The following MYO18B variants were observed in gnomAD, a reference collection of about 807,000 sequenced individuals.
MYO18B encodes the protein unconventional myosin-XVIIIb.
MYO18B carries 204 observed loss-of-function variants against 273.0 expected under a neutral mutation model. The ratio of observed to expected loss-of-function variants is 0.75; its 90% confidence interval spans 0.67 to 0.84. The LOEUF (loss-of-function observed/expected upper bound fraction) is 0.84, where lower values mean the gene tolerates loss of function less well. MYO18B is among the 40% of genes least tolerant of loss of function. MYO18B has a pLI of 0.00. For synonymous variants in MYO18B, 1,330 were observed against 1,305.7 expected, an observed-to-expected ratio of 1.02 and a Z score of -0.40; for missense variants, 3,212 against 3,287.6, an observed-to-expected ratio of 0.98 and a Z score of 0.56.
chr22:25,947,093 G>A (rs1360598488), intron 35 of MYO18B, among the ~76,000 whole-genome samples: 1 of 152,064 alleles, frequency 6.6e-6, no homozygotes, highest in Non-Finnish European at 1.5e-5. Context: ...CCCTTATGTT[G>A]TTGGAACTTG....
rs572692015 is a variant in MYO18B, at chr22:26,008,627, C to T, written c.6470+3772C>T. On this transcript the variant is annotated intron_variant, in intron 42 of 43. Coordinates refer to ENST00000335473, the MANE Select transcript of MYO18B (RefSeq NM_032608.7). ...TGCTGCTGCCGCTGATAAGTGCAAG[C>T]GCTTCTGGAGACGAAGACACTAAAT... is the stretch of plus-strand genomic sequence containing the variant. Among the ~76,000 whole-genome samples, 12 of 152,288 alleles carry T rather than the reference C, an allele frequency of 7.9e-5. No homozygotes were observed. In the South Asian group the frequency reaches 2.3e-3, roughly 29 times the overall value.
chr22:25,757,929 C>T (rs1321954079), intron 1 of MYO18B, among the ~76,000 whole-genome samples: 1 of 152,200 alleles, frequency 6.6e-6, no homozygotes, highest in Admixed American at 6.5e-5. Context: ...TCCCAAACAA[C>T]TCTCACACAC....
chr22:25,822,860 AG>A (rs1166044834), intron 12 of MYO18B, among the ~76,000 whole-genome samples: 2 of 152,220 alleles, frequency 1.3e-5, no homozygotes, highest in Non-Finnish European at 2.9e-5. Context: ...CAGAATAGAA[AG>A]TTTTGCAATG....
chr22:25,923,544 C>CA (rs1304133916), intron 34 of MYO18B, among the ~76,000 whole-genome samples: 3 of 152,210 alleles, frequency 2.0e-5, no homozygotes, highest in East Asian at 3.9e-4. Context: ...AGGTAAGTGG[C>CA]AGAGTCGGGG....
chr22:25,763,322 G>A lies in MYO18B; in HGVS notation c.131G>A (p.Gly44Glu), dbSNP rs133885. 0.49 allele frequency: 793,772 copies of A among 1,612,264 alleles called. 206,410 individuals are homozygous for A. The highest frequency in any genetic ancestry group is 0.85 in the African/African-American group (63,722 of 74,886). The change falls in exon 3 of 44, where the codon GGG becomes GAG. Residue 44 changes from glycine to glutamate, a missense_variant. Transcript: ENST00000335473. ...PGGFIKQLVR[G>E]TEKEAKEARQ... is the part of the protein sequence containing the mutation. Reference sequence around the variant, plus strand: ...GGCTTCATTAAGCAACTGGTCCGGGGGACTGAAAAAGAGGCCAAGGAAGCG... The same window carrying A: ...GGCTTCATTAAGCAACTGGTCCGGGAGACTGAAAAAGAGGCCAAGGAAGCG...
At chr22:25,794,310 A>G (rs1298186269) in intron 11 of MYO18B, among the ~76,000 whole-genome samples, 1 of 150,750 alleles carries the variant, frequency 6.6e-6, no homozygotes, top group African/African-American at 2.4e-5. Context: ...AGGCTCAAGC[A>G]ATCGTCCCGC....
At chr22:26,016,596 C>A (rs1601839147) in intron 42 of MYO18B, among the ~76,000 whole-genome samples, 1 of 152,188 alleles carries the variant, frequency 6.6e-6, no homozygotes, top group Non-Finnish European at 1.5e-5. Flanking sequence ...GTGAGGCAGC[C>A]CTTTGCACAT....
At chr22:26,051,774 T>C in the MYO18B span, among the ~76,000 whole-genome samples, 9,104 of 152,276 alleles carry the variant, frequency 0.06, 382 homozygotes, top group Middle Eastern at 0.14. Context: ...AAATGCACAA[T>C]TTTTTAAAGG....
At chr22:25,904,335 G>A (rs2091996934) in intron 31 of MYO18B, among the ~76,000 whole-genome samples, 1 of 152,172 alleles carries the variant, frequency 6.6e-6, no homozygotes, top group African/African-American at 2.4e-5. Context: ...AGTACTGTCT[G>A]TATACTAACC....
At chr22:25,841,928 C>T (rs2090093951) in intron 17 of MYO18B, among the ~76,000 whole-genome samples, 1 of 152,202 alleles carries the variant, frequency 6.6e-6, no homozygotes, top group Non-Finnish European at 1.5e-5. Flanking sequence ...CCTGTGGGTG[C>T]TTTACTCTCC....
At chr22:25,864,497 A>C (rs1013665431) in intron 21 of MYO18B, among the ~76,000 whole-genome samples, 1 of 152,146 alleles carries the variant, frequency 6.6e-6, no homozygotes, top group African/African-American at 2.4e-5. Flanking sequence ...TAGAAAGCAA[A>C]CTGAAGACCA....
chr22:26,001,655 C>T (rs1335764367), intron 40 of MYO18B, among the ~76,000 whole-genome samples: 1 of 152,206 alleles, frequency 6.6e-6, no homozygotes, highest in Non-Finnish European at 1.5e-5. Context: ...TGATGTTGTC[C>T]ATACAGATCA....
At chr22:25,899,849 C>A (rs564710835) in intron 29 of MYO18B, 1 of 94,080 alleles carries the variant, frequency 1.1e-5, no homozygotes, top group African/African-American at 4.2e-5. Flanking sequence ...AACAGGTCAT[C>A]TGATCTGGAA....
At chr22:25,869,911 A>G (rs927174126) in intron 22 of MYO18B, among the ~76,000 whole-genome samples, 3 of 152,214 alleles carry the variant, frequency 2.0e-5, no homozygotes, top group Non-Finnish European at 2.9e-5. Context: ...CAGCATCCCA[A>G]GTCTTTGAAG....
intron 33 of MYO18B, among the ~76,000 whole-genome samples, chr22:25,913,850 T>C (rs1376809068): frequency 6.6e-6 from 1 of 152,242 alleles, no homozygotes; most frequent in African/African-American, 2.4e-5. Flanking sequence ...TAATAAAAAA[T>C]ATTTTTAATA....
At chr22:25,929,548 C>G (rs973263631) in intron 34 of MYO18B, among the ~76,000 whole-genome samples, 1 of 152,222 alleles carries the variant, frequency 6.6e-6, no homozygotes, top group Non-Finnish European at 1.5e-5. Context: ...GTTGCTTTTT[C>G]TCTCCCCCTA....
Position 25,874,327 on chromosome 22 carries a change from G to T in MYO18B, c.3993G>T (p.Gln1331His), listed in dbSNP as rs2091132525. 2 of 1,613,852 alleles carry T rather than the reference G, an allele frequency of 1.2e-6. No homozygotes were observed. The highest frequency in any genetic ancestry group is 1.1e-5 in the South Asian group (1 of 91,082). The change falls in exon 23 of 44, where the codon CAG becomes CAT. Residue 1331 changes from glutamine to histidine, a missense_variant. Coordinates refer to ENST00000335473, the MANE Select transcript of MYO18B (RefSeq NM_032608.7). ...GTGTGATCTCCAGGCTTGAGAAGCA[G>T]CGAGAGAAGCTGGTATCTCAGAGCA... ...KAGVISRLEKQREKLVSQSIV... is the reference protein window; with the variant it reads ...KAGVISRLEKHREKLVSQSIV...
At chr22:25,976,266 T>A (rs906531516) in intron 39 of MYO18B, among the ~76,000 whole-genome samples, 8 of 152,202 alleles carry the variant, frequency 5.3e-5, no homozygotes, top group African/African-American at 1.7e-4. Flanking sequence ...AAGACACTGC[T>A]CAGTGTCTTT....
rs1238098232 is a variant in MYO18B, at chr22:25,963,165, C to CTCT, written c.6156+7802_6156+7804dup. Among the ~76,000 whole-genome samples the CTCT allele has an allele frequency of 4.1e-5, 6 of 147,014 alleles. No homozygotes were observed. The East Asian group carries it at 1.2e-3, about 29-fold the overall frequency. ...TCTCTCTCTCTCCTCTTTCTCCTCT[C>CTCT]TCTCTCTCTCTCTCACACACACACA... On this transcript the variant is annotated intron_variant, in intron 39 of 43. Coordinates refer to ENST00000335473, the MANE Select transcript of MYO18B (RefSeq NM_032608.7).
Sources: allele counts gnomAD v4.1 joint callset (sites outside exome capture counted in the v4.1 genomes callset), GRCh38; gene constraint gnomAD v4.1.1; transcripts MANE v1.5; gene names NCBI Gene and HGNC (gene_info 2026-07-23, HGNC 2026-07-21).